The following SLC38A11 variants were observed in gnomAD, a reference collection of about 807,000 sequenced individuals.
The protein encoded by SLC38A11 is putative sodium-coupled neutral amino acid transporter 11.
SLC38A11 carries 51 observed loss-of-function variants against 49.4 expected under a neutral mutation model. That is an observed-to-expected ratio of 1.03 (90% CI 0.83 to 1.30). The LOEUF (loss-of-function observed/expected upper bound fraction) is 1.30. Among genes scored for constraint, SLC38A11 ranks in the 50% most tolerant of loss-of-function variants. The pLI is 0.00. For synonymous variants in SLC38A11, 203 were observed against 192.9 expected (o/e 1.05, Z -0.43); for missense variants, 574 against 556.2 (o/e 1.03, Z -0.32).
At chr2:164,946,617 G>C (rs956495831) in intron 3 of SLC38A11, among the ~76,000 whole-genome samples, 1 of 150,200 alleles carries the variant, frequency 6.7e-6, no homozygotes, top group Non-Finnish European at 1.5e-5. Context: ...ATTGAAGTTA[G>C]AGATAGATAT....
chr2:164,929,973 T>C (rs1559112444), intron 7 of SLC38A11, among the ~76,000 whole-genome samples: 1 of 149,790 alleles, frequency 6.7e-6, no homozygotes, highest in Non-Finnish European at 1.5e-5. Flanking sequence ...CCAGGCGCTG[T>C]TTTTTTTTAA....
chr2:164,932,487 C>T (rs997813222), intron 7 of SLC38A11, among the ~76,000 whole-genome samples: 2 of 151,948 alleles, frequency 1.3e-5, no homozygotes, highest in African/African-American at 4.8e-5. Context: ...ATGGAATCAA[C>T]CTAAATGTCC....
intron 5 of SLC38A11, among the ~76,000 whole-genome samples, chr2:164,941,652 G>A (rs1047281534): frequency 6.6e-6 from 1 of 152,184 alleles, no homozygotes; most frequent in Middle Eastern, 3.4e-3. Context: ...TTTTTATGAA[G>A]AGCGTTATTC....
At chr2:164,899,504 C>T (rs1457227493) in intron 11 of SLC38A11, among the ~76,000 whole-genome samples, 1 of 151,960 alleles carries the variant, frequency 6.6e-6, no homozygotes, top group East Asian at 1.9e-4. Context: ...AGGACTAATT[C>T]GCAATAGAAA....
At chr2:164,918,907 C>A (rs1165511077) in intron 7 of SLC38A11, among the ~76,000 whole-genome samples, 2 of 151,782 alleles carry the variant, frequency 1.3e-5, no homozygotes, top group African/African-American at 2.4e-5. Context: ...TATTGAAAGA[C>A]ACAAATAAAT....
chr2:164,898,722 G>A lies in SLC38A11; in HGVS notation c.1104C>T (p.Leu368=), dbSNP rs1284640351. Residue 368 remains leucine (L), a synonymous_variant, in exon 12 of 12, where the codon CTC becomes CTT. Coordinates refer to ENST00000685975, the MANE Select transcript of SLC38A11 (RefSeq NM_001351537.2). ...LGIVLELNGV[L]CATPLIFIIP... The stretch of plus-strand genomic sequence containing the variant: ...TGATAAAAATGAGGGGAGTTGCACA[G>A]AGCACACCCTGCATGTTGAAAACAA... The A allele has an allele frequency of 6.2e-7, 1 of 1,608,348 alleles. No homozygotes were observed. Among genetic ancestry groups the A allele is most frequent in the African/African-American group, 1.3e-5 (1 of 74,870 alleles).
chr2:164,937,416 G>A lies in SLC38A11; in HGVS notation c.551C>T (p.Ser184Phe), dbSNP rs752369880. 3.1e-6 allele frequency: 5 copies of A among 1,606,558 alleles called. No homozygotes were observed. The African/African-American group carries it at 4.0e-5, about 13-fold the overall frequency. Residue 184 changes from serine to phenylalanine, a missense_variant, in exon 7 of 12, where the codon TCT (serine) becomes TTT (phenylalanine). Ser to Phe is a radical substitution (Grantham distance 155, BLOSUM62 -2). Transcript: ENST00000685975. ...AAGAATCAGAGTTGTTAAACCTGTAGAGATGAGGGAGACCTGTAAAAGAAA... is the reference window on the plus strand; with the variant it reads ...AAGAATCAGAGTTGTTAAACCTGTAAAGATGAGGGAGACCTGTAAAAGAAA... ...IAKLGKVSLISTGLTTLILGI... is the reference protein window; with the variant it reads ...IAKLGKVSLIFTGLTTLILGI...
At chr2:164,899,718 A>T (rs1483666347) in intron 11 of SLC38A11, among the ~76,000 whole-genome samples, 1 of 152,144 alleles carries the variant, frequency 6.6e-6, no homozygotes, top group East Asian at 1.9e-4. Flanking sequence ...GATGTCATAG[A>T]ATACATACAG....
intron 6 of SLC38A11, 182 bp from the exon 7 acceptor site, chr2:164,937,611 A>T: frequency 1.9e-6 from 1 of 530,062 alleles, no homozygotes; most frequent in Non-Finnish European, 3.4e-6. Flanking sequence ...TTATCAGATC[A>T]GTCTTGGTTC....
At chr2:164,907,270 C>CTTTTTTTTTTTTTTTTT (rs60527900) in intron 11 of SLC38A11, among the ~76,000 whole-genome samples, 1 of 97,918 alleles carries the variant, frequency 1.0e-5, no homozygotes, top group Non-Finnish European at 1.9e-5. Context: ...CTTCTTTTCT[C>CTTTTTTTTTTTTTTTTT]TTTTTTTTTT....
chr2:164,935,519 A>AAG (rs1553501030), intron 7 of SLC38A11, among the ~76,000 whole-genome samples: 2 of 150,464 alleles, frequency 1.3e-5, no homozygotes, highest in Admixed American at 6.6e-5. Context: ...AAAAAAAAAA[A>AAG]AAAGAAAGAA....
At chr2:164,947,515 A>G (rs1351442992) in intron 3 of SLC38A11, among the ~76,000 whole-genome samples, 1 of 152,050 alleles carries the variant, frequency 6.6e-6, no homozygotes, top group African/African-American at 2.4e-5. Flanking sequence ...GTAACCTCTA[A>G]ATTTGTGTTT....
intron 9 of SLC38A11, among the ~76,000 whole-genome samples, chr2:164,914,304 A>G (rs1183359922): frequency 6.6e-6 from 1 of 151,988 alleles, no homozygotes; most frequent in African/African-American, 2.4e-5. Context: ...TGACTACTAC[A>G]CTACACTGAT....
At chr2:164,917,846 G>A (rs550856747) in intron 7 of SLC38A11, among the ~76,000 whole-genome samples, 1 of 151,824 alleles carries the variant, frequency 6.6e-6, no homozygotes, top group African/African-American at 2.4e-5. Flanking sequence ...GGTCCATATG[G>A]TTCCTTGGGT....
At chr2:164,942,148 T>C (rs1451297162) in intron 5 of SLC38A11, among the ~76,000 whole-genome samples, 3 of 152,090 alleles carry the variant, frequency 2.0e-5, no homozygotes, top group African/African-American at 7.2e-5. Flanking sequence ...TTAGTAATTC[T>C]CTTTTGAAAA....
intron 2 of SLC38A11, among the ~76,000 whole-genome samples, chr2:164,954,053 T>C (rs1688692527): frequency 6.6e-6 from 1 of 152,092 alleles, no homozygotes; most frequent in South Asian, 2.1e-4. Context: ...ATAATACGCA[T>C]TTTCAATGAA....
At chr2:164,945,847 A>T (rs750310099) in intron 3 of SLC38A11, 120 bp from the exon 4 acceptor site, 2 of 1,052,130 alleles carry the variant, frequency 1.9e-6, no homozygotes, top group Non-Finnish European at 2.8e-6. Flanking sequence ...TTAATGCTGC[A>T]GTATTAGCAG....
At chr2:164,936,271 A>G (rs1286445542) in intron 7 of SLC38A11, among the ~76,000 whole-genome samples, 2 of 152,270 alleles carry the variant, frequency 1.3e-5, no homozygotes, top group East Asian at 3.9e-4. Context: ...CAGATATTTC[A>G]TGATTTTCCC....
At chr2:164,903,943 A>T (rs1396103023) in intron 11 of SLC38A11, among the ~76,000 whole-genome samples, 1 of 152,168 alleles carries the variant, frequency 6.6e-6, no homozygotes, top group East Asian at 1.9e-4. Flanking sequence ...AAATAAAATA[A>T]TGCTTATACA....
Sources: gnomAD v4.1 joint callset for allele counts (sites outside exome capture counted in the v4.1 genomes callset) on GRCh38, gnomAD v4.1.1 for gene constraint, MANE v1.5 for transcripts, NCBI Gene and HGNC (gene_info 2026-07-23, HGNC 2026-07-21) for gene names.